Variants in CFAP299 observed in about 807,000 individuals in gnomAD.
CFAP299 encodes the protein cilia and flagella associated protein 299.
A neutral mutation model predicts 27.0 loss-of-function variants in CFAP299; 21 were observed. The observed-to-expected ratio is 0.78, with a 90% CI of 0.55 to 1.12. The LOEUF is 1.12. Among genes scored for constraint, CFAP299 ranks in the 50% most tolerant of loss-of-function variants. CFAP299 has a pLI of 0.00. For missense variants in CFAP299, 310 were observed against 276.6 expected (o/e 1.12, Z -0.86); for synonymous variants, 104 against 98.1 (o/e 1.06, Z -0.36).
At chr4:80,458,763 T>C (rs536326566) in intron 2 of CFAP299, among the ~76,000 whole-genome samples, 20 of 152,102 alleles carry the variant, frequency 1.3e-4, no homozygotes, top group African/African-American at 3.6e-4. Flanking sequence ...ATCCCAGAAA[T>C]AGGCTAAAAT....
chr4:80,602,560 T>C (rs2109903136), intron 3 of CFAP299, among the ~76,000 whole-genome samples: 1 of 152,244 alleles, frequency 6.6e-6, no homozygotes, highest in Admixed American at 6.5e-5. Flanking sequence ...CAGAGAAGAA[T>C]TCTAGCATAG....
At chr4:80,904,651 C>A (rs1387902047) in intron 4 of CFAP299, among the ~76,000 whole-genome samples, 1 of 151,958 alleles carries the variant, frequency 6.6e-6, no homozygotes, top group East Asian at 1.9e-4. Context: ...CAGCATGTTT[C>A]TTATAGGCTG....
chr4:80,711,355 T>C (rs1446462708), intron 3 of CFAP299, among the ~76,000 whole-genome samples: 1 of 152,096 alleles, frequency 6.6e-6, no homozygotes, highest in Non-Finnish European at 1.5e-5. Flanking sequence ...TGAGACAAGG[T>C]GGACAGTGTG....
At chr4:80,885,420 A>G (rs1174448559) in intron 4 of CFAP299, among the ~76,000 whole-genome samples, 1 of 152,128 alleles carries the variant, frequency 6.6e-6, no homozygotes, top group Non-Finnish European at 1.5e-5. Context: ...CACCATCCCT[A>G]TCCTAATCCT....
At chr4:80,473,672 G>A (rs956956885) in intron 2 of CFAP299, among the ~76,000 whole-genome samples, 1 of 152,076 alleles carries the variant, frequency 6.6e-6, no homozygotes, top group Non-Finnish European at 1.5e-5. Flanking sequence ...CCAAGCTCAA[G>A]CCTTCTTCCC....
chr4:80,736,456 C>G (rs906520470), intron 3 of CFAP299, among the ~76,000 whole-genome samples: 2 of 149,958 alleles, frequency 1.3e-5, no homozygotes, highest in African/African-American at 4.9e-5. Flanking sequence ...TGAACTCAAA[C>G]AAATTTACAA....
chr4:80,884,717 T>TA (rs545083894), intron 4 of CFAP299, among the ~76,000 whole-genome samples: 5,475 of 145,176 alleles, frequency 0.038, 238 homozygotes, highest in African/African-American at 0.11. Context: ...AAAAATAAAA[T>TA]AAACAAAGTT....
chr4:80,740,712 C>A (rs925066047), intron 3 of CFAP299, among the ~76,000 whole-genome samples: 2 of 152,196 alleles, frequency 1.3e-5, no homozygotes, highest in African/African-American at 4.8e-5. Flanking sequence ...TTGTTCTATT[C>A]TGCTGTGGCT....
At chr4:80,879,663 G>A (rs778538807) in intron 4 of CFAP299, among the ~76,000 whole-genome samples, 35 of 151,998 alleles carry the variant, frequency 2.3e-4, no homozygotes, top group Non-Finnish European at 4.7e-4. Context: ...TATTTTTAAA[G>A]AGTGTGAGTG....
chr4:80,468,696 A>T (rs751584682), intron 2 of CFAP299, among the ~76,000 whole-genome samples: 9 of 151,780 alleles, frequency 5.9e-5, no homozygotes, highest in Non-Finnish European at 1.2e-4. Context: ...TTAGCCGGGC[A>T]TGCTGGCGCC....
At chr4:80,725,329 G>C (rs1723096155) in intron 3 of CFAP299, among the ~76,000 whole-genome samples, 1 of 151,774 alleles carries the variant, frequency 6.6e-6, no homozygotes, top group Non-Finnish European at 1.5e-5. Flanking sequence ...TCCATGGAGA[G>C]ATATGTAAAA....
intron 3 of CFAP299, among the ~76,000 whole-genome samples, chr4:80,613,523 A>G (rs2109920512): frequency 6.6e-6 from 1 of 152,304 alleles, no homozygotes; most frequent in Non-Finnish European, 1.5e-5. Context: ...ATTAAGACAA[A>G]TAGAAACACT....
At chr4:80,502,654 G>C (rs1731801783) in intron 2 of CFAP299, among the ~76,000 whole-genome samples, 2 of 151,918 alleles carry the variant, frequency 1.3e-5, no homozygotes, top group Non-Finnish European at 2.9e-5. Flanking sequence ...TTGGTTTTCT[G>C]TCTGCTTCCG....
intron 3 of CFAP299, among the ~76,000 whole-genome samples, chr4:80,858,450 G>C (rs1732076116): frequency 6.6e-6 from 1 of 152,092 alleles, no homozygotes; most frequent in African/African-American, 2.4e-5. Flanking sequence ...CCTTCTGTTA[G>C]CTTTTGAATG....
At chr4:80,680,911 T>C (rs184614457) in intron 3 of CFAP299, among the ~76,000 whole-genome samples, 18 of 152,264 alleles carry the variant, frequency 1.2e-4, no homozygotes, top group Non-Finnish European at 2.1e-4. Context: ...GGTTGCAGAC[T>C]GCAGAAAGGA....
chr4:80,877,899 G>A (rs1055922074), intron 4 of CFAP299, among the ~76,000 whole-genome samples: 2 of 151,866 alleles, frequency 1.3e-5, no homozygotes, highest in Non-Finnish European at 1.5e-5. Context: ...TGGTATTTTG[G>A]TGTGTGTTTA....
chr4:80,604,390 AG>A (rs1455999457), intron 3 of CFAP299, among the ~76,000 whole-genome samples: 1 of 152,172 alleles, frequency 6.6e-6, no homozygotes, highest in African/African-American at 2.4e-5. Context: ...TGTGACTAAA[AG>A]TTAGGCACTG....
At chr4:80,486,345 TC>T (rs1404809756) in intron 2 of CFAP299, among the ~76,000 whole-genome samples, 7 of 152,168 alleles carry the variant, frequency 4.6e-5, no homozygotes, top group South Asian at 2.1e-4. Context: ...GAAACATGCT[TC>T]TGAGATGCAG....
chr4:80,441,321 C>A (rs1728345730), intron 2 of CFAP299, among the ~76,000 whole-genome samples: 1 of 152,260 alleles, frequency 6.6e-6, no homozygotes, highest in South Asian at 2.1e-4. Context: ...TCAGGTTACC[C>A]ACAACAAGAA....
Sources: gnomAD v4.1 joint callset for allele counts (sites outside exome capture counted in the v4.1 genomes callset) on GRCh38, gnomAD v4.1.1 for gene constraint, MANE v1.5 for transcripts, NCBI Gene and HGNC (gene_info 2026-07-23, HGNC 2026-07-21) for gene names.